ST6GALNAC3: variants seen among roughly 807,000 people sequenced by gnomAD.
ST6GALNAC3 encodes the protein ST6 N-acetylgalactosaminide alpha-2,6-sialyltransferase 3.
ST6GALNAC3 carries 25 observed loss-of-function variants against 32.7 expected under a neutral mutation model. The observed-to-expected ratio is 0.76, with a 90% CI of 0.56 to 1.07. The LOEUF is 1.07. ST6GALNAC3 is among the 50% of genes least tolerant of loss of function. The pLI, the probability that ST6GALNAC3 is intolerant of heterozygous loss-of-function variation, is 0.00. For synonymous variants in ST6GALNAC3, 129 were observed against 133.1 expected, an observed-to-expected ratio of 0.97 and a Z score of 0.21; for missense variants, 355 against 382.4, an observed-to-expected ratio of 0.93 and a Z score of 0.60.
intron 3 of ST6GALNAC3, among the ~76,000 whole-genome samples, chr1:76,525,234 C>T (rs1279178674): frequency 6.6e-6 from 1 of 152,070 alleles, no homozygotes; most frequent in Non-Finnish European, 1.5e-5. Context: ...AGCCATGGAA[C>T]ATTTCCCATA....
chr1:76,201,996 A>G (rs1239170796), intron 1 of ST6GALNAC3, among the ~76,000 whole-genome samples: 1 of 152,122 alleles, frequency 6.6e-6, no homozygotes, highest in Non-Finnish European at 1.5e-5. Flanking sequence ...AAGTAACAGA[A>G]TCTCCATTAA....
At chr1:76,249,479 A>AT (rs1443747792) in intron 1 of ST6GALNAC3, among the ~76,000 whole-genome samples, 1 of 151,908 alleles carries the variant, frequency 6.6e-6, no homozygotes, top group African/African-American at 2.4e-5. Context: ...CATTCTTTTT[A>AT]TTGCCACATA....
intron 3 of ST6GALNAC3, among the ~76,000 whole-genome samples, chr1:76,543,328 T>TA (rs1664104264): frequency 6.6e-6 from 1 of 152,164 alleles, no homozygotes; most frequent in Admixed American, 6.5e-5. Context: ...CCAAGTGCTA[T>TA]AACACAAGCT....
chr1:76,613,210 T>C (rs1648049476), intron 3 of ST6GALNAC3, among the ~76,000 whole-genome samples: 1 of 152,214 alleles, frequency 6.6e-6, no homozygotes, highest in African/African-American at 2.4e-5. Context: ...AAATTGATAT[T>C]TCCCCTCGTG....
intron 3 of ST6GALNAC3, among the ~76,000 whole-genome samples, chr1:76,586,691 C>A (rs1646967116): frequency 6.6e-6 from 1 of 152,224 alleles, no homozygotes; most frequent in Non-Finnish European, 1.5e-5. Flanking sequence ...ACCCAAGGGA[C>A]TTTACACTTC....
intron 3 of ST6GALNAC3, among the ~76,000 whole-genome samples, chr1:76,460,440 A>G (rs1481248223): frequency 6.6e-6 from 1 of 152,190 alleles, no homozygotes; most frequent in Admixed American, 6.5e-5. Flanking sequence ...ATTTTGCTAA[A>G]TTCTTTGTCC....
At chr1:76,126,652 A>G (rs374438356) in intron 1 of ST6GALNAC3, among the ~76,000 whole-genome samples, 15 of 152,280 alleles carry the variant, frequency 9.9e-5, no homozygotes, top group African/African-American at 3.4e-4. Context: ...ATTCAGAGCC[A>G]TAAGTTTGAG....
intron 3 of ST6GALNAC3, among the ~76,000 whole-genome samples, chr1:76,527,238 G>A (rs1184188655): frequency 6.6e-6 from 1 of 152,080 alleles, no homozygotes; most frequent in Admixed American, 6.6e-5. Context: ...TTCATCCTCA[G>A]AGCCCTAAAA....
At chr1:76,340,265 A>G (rs541123046) in intron 2 of ST6GALNAC3, among the ~76,000 whole-genome samples, 3 of 152,362 alleles carry the variant, frequency 2.0e-5, no homozygotes, top group East Asian at 1.9e-4. Flanking sequence ...GCCTCAGGCC[A>G]TGGAAATTAT....
At chr1:76,142,181 T>G (rs1650368941) in intron 1 of ST6GALNAC3, among the ~76,000 whole-genome samples, 1 of 152,094 alleles carries the variant, frequency 6.6e-6, no homozygotes, top group Non-Finnish European at 1.5e-5. Flanking sequence ...GTGGAGAAAT[T>G]CCATCTTTGT....
rs772817924 is a variant in ST6GALNAC3 at position 76,467,390 on chromosome 1, T to G, written c.623+54973T>G. Among the ~76,000 whole-genome samples, 86 of 151,998 alleles carry G rather than the reference T, an allele frequency of 5.7e-4. 2 individuals are homozygous for G. The highest frequency in any genetic ancestry group is 2.5e-4 in the Non-Finnish European group (17 of 67,948). ...AATGTGAATATAGGTGATCCATCCC[T>G]GCTATGCTTGAATCAGATCTATAAA... is the stretch of plus-strand genomic sequence containing the variant. On this transcript the variant is annotated intron_variant, in intron 3 of 4. Transcript: ENST00000328299.
intron 3 of ST6GALNAC3, among the ~76,000 whole-genome samples, chr1:76,532,159 A>G (rs961578185): frequency 4.6e-5 from 7 of 152,072 alleles, no homozygotes; most frequent in African/African-American, 1.7e-4. Flanking sequence ...CTGGTGAGAA[A>G]CCAGAAATGT....
intron 1 of ST6GALNAC3, among the ~76,000 whole-genome samples, chr1:76,088,014 A>G (rs1646987079): frequency 6.6e-6 from 1 of 152,210 alleles, no homozygotes; most frequent in South Asian, 2.1e-4. Context: ...AGTGAGTGGA[A>G]CACCTGTGGG....
chr1:76,123,396 A>G (rs936541952), intron 1 of ST6GALNAC3, among the ~76,000 whole-genome samples: 8 of 150,588 alleles, frequency 5.3e-5, no homozygotes, highest in Non-Finnish European at 1.2e-4. Flanking sequence ...AAAAAAAAAA[A>G]GCTTTGCTAT....
intron 1 of ST6GALNAC3, chr1:76,307,832 T>C (rs1360445330): frequency 2.0e-6 from 1 of 490,410 alleles, no homozygotes; most frequent in Middle Eastern, 3.3e-4. Flanking sequence ...GGTCCGGATC[T>C]TTGCACTTGT....
chr1:76,341,521 G>A (rs1395850668), intron 2 of ST6GALNAC3, among the ~76,000 whole-genome samples: 1 of 151,844 alleles, frequency 6.6e-6, no homozygotes, highest in Admixed American at 6.6e-5. Context: ...TACTAGTGCA[G>A]GTGTCTCTTG....
chr1:76,397,904 G>T (rs1449737889), intron 2 of ST6GALNAC3, among the ~76,000 whole-genome samples: 1 of 151,936 alleles, frequency 6.6e-6, no homozygotes, highest in Non-Finnish European at 1.5e-5. Context: ...TTCTCTGGTT[G>T]CTGTGTTTGC....
chr1:76,585,598 A>G (rs1646951880), intron 3 of ST6GALNAC3, among the ~76,000 whole-genome samples: 2 of 152,066 alleles, frequency 1.3e-5, no homozygotes, highest in African/African-American at 4.8e-5. Context: ...TCATGCTGGA[A>G]CCAGATCCAC....
chr1:76,079,853 A>G (rs980395830), intron 1 of ST6GALNAC3, among the ~76,000 whole-genome samples: 4 of 152,152 alleles, frequency 2.6e-5, no homozygotes, highest in South Asian at 2.1e-4. Context: ...TTAGAGTCAC[A>G]TCTGTGGTCA....
Sources: gnomAD v4.1 joint callset for allele counts (sites outside exome capture counted in the v4.1 genomes callset) on GRCh38, gnomAD v4.1.1 for gene constraint, MANE v1.5 for transcripts, NCBI Gene and HGNC (gene_info 2026-07-23, HGNC 2026-07-21) for gene names.